Variants in NLRC5 observed in about 807,000 individuals in gnomAD.
The protein encoded by NLRC5 is protein NLRC5.
NLRC5 carries 114 observed loss-of-function variants against 206.9 expected under a neutral mutation model. The observed-to-expected ratio is 0.55, with a 90% CI of 0.47 to 0.64. The LOEUF (loss-of-function observed/expected upper bound fraction) is 0.64. Among genes scored for constraint, NLRC5 ranks in the 30% least tolerant of loss-of-function variants. The probability of loss-of-function intolerance (pLI) is 0.00; values close to 1 mark genes in which losing one functional copy is unlikely to be tolerated. For synonymous variants in NLRC5, 952 were observed against 962.8 expected, an observed-to-expected ratio of 0.99 and a Z score of 0.21; for missense variants, 2,008 against 2,305.5, an observed-to-expected ratio of 0.87 and a Z score of 2.64.
chr16:57,031,099 T>G (rs1379862864), intron 10 of NLRC5, among the ~76,000 whole-genome samples: 1 of 151,210 alleles, frequency 6.6e-6, no homozygotes, highest in African/African-American at 2.4e-5. Flanking sequence ...GATCTCCATC[T>G]CAAATTTAAA....
intron 47 of NLRC5, 85 bp from the exon 48 acceptor site, chr16:57,081,442 G>C (rs539155806): frequency 4.6e-6 from 6 of 1,309,936 alleles, no homozygotes; most frequent in Non-Finnish European, 6.6e-6. Context: ...CCTGACCTTG[G>C]CCTGAGGAAG....
At chr16:57,024,622 G>C (rs1476386675) in intron 5 of NLRC5, among the ~76,000 whole-genome samples, 1 of 152,222 alleles carries the variant, frequency 6.6e-6, no homozygotes, top group Non-Finnish European at 1.5e-5. Flanking sequence ...AGGCCTACAG[G>C]TTGTTAGTGC....
In NLRC5 at chr16:57,020,729, T is replaced by G; in HGVS notation, c.17T>G (p.Leu6Arg). Reference sequence around the variant, plus strand: ...TGGCTCCTCATGGACCCCGTTGGCCTCCAGCTCGGCAACAAGAACCTGTGG... The same window carrying G: ...TGGCTCCTCATGGACCCCGTTGGCCGCCAGCTCGGCAACAAGAACCTGTGG... MDPVG[L>R]QLGNKNLWSC... is the part of the protein sequence containing the mutation. Residue 6 changes from leucine to arginine, a missense_variant, in exon 3 of 49, where the codon CTC becomes CGC. Leu to Arg is a moderately radical substitution (Grantham distance 102). Transcript: ENST00000688547. 6.2e-7 allele frequency: 1 copy of G among 1,608,566 alleles called. No homozygotes were observed. The highest frequency in any genetic ancestry group is 8.5e-7 in the Non-Finnish European group (1 of 1,178,518).
intron 36 of NLRC5, among the ~76,000 whole-genome samples, chr16:57,068,592 C>T (rs770657851): frequency 2.6e-5 from 4 of 152,224 alleles, no homozygotes; most frequent in African/African-American, 2.4e-5. Context: ...TCCCTTTACC[C>T]GTTAACATTT....
intron 30 of NLRC5, 48 bp from the exon 31 acceptor site, chr16:57,061,400 A>C (rs1401960680): frequency 6.4e-7 from 1 of 1,562,468 alleles, no homozygotes; most frequent in South Asian, 1.1e-5. Flanking sequence ...GCTGAGCAGC[A>C]GTGCCCACAG....
intron 5 of NLRC5, among the ~76,000 whole-genome samples, chr16:57,024,490 C>T (rs1376623689): frequency 6.6e-6 from 1 of 152,164 alleles, no homozygotes; most frequent in Non-Finnish European, 1.5e-5. Flanking sequence ...CATAGGGTTC[C>T]CCCAAAAGCA....
chr16:57,078,473 T>TTTTTC (rs2068709923), intron 43 of NLRC5, among the ~76,000 whole-genome samples: 1 of 144,422 alleles, frequency 6.9e-6, no homozygotes, highest in African/African-American at 2.6e-5. Flanking sequence ...CTTGTTTTTT[T>TTTTTC]TTTTTTTTTT....
Position 57,082,573 on chromosome 16 carries a change from A to G in NLRC5, c.*45A>G, listed in dbSNP as rs764973800. ...GGAATCCAGCCAAGTGATGCACCCA[A>G]ATGATCCACCTTTCGCCCACTGGGA... On this transcript the variant is annotated 3_prime_UTR_variant, in exon 49 of 49. Coordinates refer to ENST00000688547, the MANE Select transcript of NLRC5 (RefSeq NM_001384950.1). 4 of 1,408,870 alleles carry G rather than the reference A, an allele frequency of 2.8e-6. No homozygotes were observed. The highest frequency in any genetic ancestry group is 4.0e-6 in the Non-Finnish European group (4 of 999,574). The allele number at this position is 1,408,870 out of a possible 1,614,324, so 87.3% of individuals were successfully genotyped here. A position where few individuals can be genotyped will look rare whatever the true frequency, so the allele number is the denominator to read the frequency against.
At chr16:57,057,488 G>A (rs76459095) in intron 27 of NLRC5, among the ~76,000 whole-genome samples, 7,254 of 152,266 alleles carry the variant, frequency 0.048, 567 homozygotes, top group African/African-American at 0.16. Context: ...CTTCAGGTGA[G>A]GTTTCCAATA....
intron 32 of NLRC5, among the ~76,000 whole-genome samples, chr16:57,064,598 A>T (rs1235757929): frequency 6.6e-6 from 1 of 152,002 alleles, no homozygotes; most frequent in African/African-American, 2.4e-5. Flanking sequence ...TACCTTTGTG[A>T]TGTAACATTA....
chr16:57,065,178 G>T, intron 32 of NLRC5, 34 bp from the exon 33 acceptor site: 2 of 1,415,122 alleles, frequency 1.4e-6, no homozygotes, highest in South Asian at 1.5e-5. Context: ...TGCTCACCTT[G>T]GGGGGGCCTT....
intron 23 of NLRC5, among the ~76,000 whole-genome samples, chr16:57,048,844 C>A (rs1262639583): frequency 2.0e-5 from 3 of 152,114 alleles, no homozygotes; most frequent in African/African-American, 7.2e-5. Context: ...CAGACCTACC[C>A]TATTAATGGC....
Position 57,079,080 on chromosome 16 carries a change from G to T in NLRC5, c.5112G>T (p.Gly1704=). 2 of 1,614,156 alleles carry T rather than the reference G, an allele frequency of 1.2e-6. No homozygotes were observed. The highest frequency in any genetic ancestry group is 1.1e-5 in the South Asian group (1 of 91,086). The change falls in exon 44 of 49, where the codon GGG becomes GGT. Residue 1704 remains glycine, a synonymous_variant. Coordinates refer to ENST00000688547, the MANE Select transcript of NLRC5 (RefSeq NM_001384950.1). ...HLPFSHLGPG[G]ALSLAQALDG... The stretch of plus-strand genomic sequence containing the variant: ...CATTCAGCCATCTGGGCCCAGGTGG[G>T]GCCCTGAGCCTGGCCCAGGCCCTGG...
intron 22 of NLRC5, 88 bp from the exon 23 acceptor site, chr16:57,047,457 G>A: frequency 8.6e-7 from 1 of 1,167,756 alleles, no homozygotes; most frequent in Admixed American, 2.0e-5. Flanking sequence ...TAGAGTGAGG[G>A]ATGCTGGGAG....
rs1180681008 is a variant in NLRC5, at chr16:57,025,857, T to A, written c.914T>A (p.Ile305Asn). Residue 305 changes from isoleucine (I) to asparagine (N), a missense_variant, in exon 6 of 49, where the codon ATC becomes AAC. Coordinates refer to ENST00000688547, the MANE Select transcript of NLRC5 (RefSeq NM_001384950.1). Reference sequence around the variant, plus strand: ...AAGAACGCTGACCAAGTCCTGCTGATCTTTGATGGGCTAGATGAGGCCCTC... The same window carrying A: ...AAGAACGCTGACCAAGTCCTGCTGAACTTTGATGGGCTAGATGAGGCCCTC... The part of the protein sequence containing the change: ...LEKNADQVLL[I>N]FDGLDEALQP... 8.7e-6 allele frequency: 14 copies of A among 1,614,124 alleles called. No individual in the cohort carries two copies. Among genetic ancestry groups the A allele is most frequent in the African/African-American group, 1.3e-5 (1 of 74,940 alleles).
chr16:57,056,871 C>T (rs1416217191), intron 27 of NLRC5, among the ~76,000 whole-genome samples: 1 of 151,902 alleles, frequency 6.6e-6, no homozygotes, highest in African/African-American at 2.4e-5. Context: ...GTTGGCCAGG[C>T]TGGTCTTGAA....
At chr16:57,043,411 G>C in intron 19 of NLRC5, 104 bp from the exon 20 acceptor site, 1 of 897,708 alleles carries the variant, frequency 1.1e-6, no homozygotes. Context: ...AGTGGGTTCC[G>C]TCATCTGGAA....
chr16:57,069,303 A>G (rs2067383263), intron 36 of NLRC5, among the ~76,000 whole-genome samples: 1 of 152,208 alleles, frequency 6.6e-6, no homozygotes, highest in Non-Finnish European at 1.5e-5. Context: ...TTACACCAAG[A>G]AGAAACTCTT....
chr16:57,082,330 C>CT (rs1194349679), intron 48 of NLRC5, 87 bp from the exon 49 acceptor site: 2 of 1,062,744 alleles, frequency 1.9e-6, no homozygotes, highest in Admixed American at 3.9e-5. Flanking sequence ...ACAGCTCTAC[C>CT]TTTTTGGGCC....
Sources: gnomAD v4.1 joint callset for allele counts (sites outside exome capture counted in the v4.1 genomes callset) on GRCh38, gnomAD v4.1.1 for gene constraint, MANE v1.5 for transcripts, NCBI Gene and HGNC (gene_info 2026-07-23, HGNC 2026-07-21) for gene names.